Variants in IGF2R observed in about 807,000 individuals in gnomAD.
IGF2R encodes the protein insulin like growth factor 2 receptor.
IGF2R carries 91 observed loss-of-function variants against 270.6 expected under a neutral mutation model. The observed-to-expected ratio is 0.34, with a 90% CI of 0.28 to 0.40. The LOEUF (loss-of-function observed/expected upper bound fraction) is 0.40. Ranked by LOEUF, IGF2R falls within the 10% of genes least tolerant of loss-of-function variation. The pLI is 1.00. For missense variants in IGF2R, 2,805 were observed against 3,188.3 expected (o/e 0.88, Z 2.90); for synonymous variants, 1,316 against 1,258.9 (o/e 1.05, Z -0.96).
intron 19 of IGF2R, among the ~76,000 whole-genome samples, chr6:160,055,078 G>A (rs1256374925): frequency 6.6e-6 from 1 of 152,094 alleles, no homozygotes; most frequent in African/African-American, 2.4e-5. Context: ...TGCTCTCTGC[G>A]GGAGGTGTTC....
chr6:160,088,384 T>G (rs916080707), intron 42 of IGF2R, among the ~76,000 whole-genome samples: 1 of 152,214 alleles, frequency 6.6e-6, no homozygotes, highest in Non-Finnish European at 1.5e-5. Flanking sequence ...TGAACTAGGT[T>G]TAGCACTGGC....
Position 160,106,455 on chromosome 6 carries a change from G to T in IGF2R, c.*1371G>T, listed in dbSNP as rs1779624351. The T allele has an allele frequency of 6.6e-6, 1 of 152,302 alleles. No homozygotes were observed. Among genetic ancestry groups the T allele is most frequent in the Non-Finnish European group, 1.5e-5 (1 of 67,942 alleles). The allele number at this position is 152,302 out of a possible 1,614,324, so 9.4% of individuals were successfully genotyped here. Reference sequence around the variant, plus strand: ...TGGCTTGTTTGATTTCAACATGAGTGTATTTTTTAAAATTGATTTTTCTCT... The same window carrying T: ...TGGCTTGTTTGATTTCAACATGAGTTTATTTTTTAAAATTGATTTTTCTCT... On this transcript the variant is annotated 3_prime_UTR_variant, in exon 48 of 48. Transcript: ENST00000356956.
At chr6:160,032,759 G>T (rs1430540708) in intron 8 of IGF2R, 46 bp downstream of exon 8, 2 of 1,596,072 alleles carry the variant, frequency 1.3e-6, no homozygotes. Flanking sequence ...GGAAGAAGGG[G>T]ATCGAGAGAG....
intron 32 of IGF2R, among the ~76,000 whole-genome samples, 181 bp downstream of exon 32, chr6:160,072,217 G>C (rs1341960271): frequency 6.6e-6 from 1 of 152,156 alleles, no homozygotes; most frequent in Non-Finnish European, 1.5e-5. Flanking sequence ...TGTTCTCCTG[G>C]CTCTCCTTCA....
intron 34 of IGF2R, 47 bp from the exon 35 acceptor site, chr6:160,073,710 T>G (rs1205665025): frequency 1.3e-6 from 2 of 1,524,256 alleles, no homozygotes; most frequent in South Asian, 1.2e-5. Flanking sequence ...TAGTGGTGAT[T>G]AGGAAAATTT....
At chr6:160,040,495 C>T in intron 10 of IGF2R, 65 bp from the exon 11 acceptor site, 1 of 1,423,108 alleles carries the variant, frequency 7.0e-7, no homozygotes, top group Non-Finnish European at 9.9e-7. Context: ...TTCTTCCTTG[C>T]TCCTTAGCTG....
intron 2 of IGF2R, chr6:160,005,945 C>A: frequency 6.2e-6 from 1 of 160,172 alleles, no homozygotes; most frequent in South Asian, 1.4e-4. Context: ...TTTTGCGCCT[C>A]ATGGGGCTCC....
At chr6:160,026,094 C>T (rs897416812) in intron 5 of IGF2R, among the ~76,000 whole-genome samples, 2 of 152,308 alleles carry the variant, frequency 1.3e-5, no homozygotes, top group African/African-American at 2.4e-5. Flanking sequence ...TCGGACTTGC[C>T]ATCATGTGCT....
intron 4 of IGF2R, among the ~76,000 whole-genome samples, chr6:160,012,982 G>A (rs763563148): frequency 2.6e-5 from 4 of 151,770 alleles, no homozygotes; most frequent in Admixed American, 6.6e-5. Flanking sequence ...GCTTCCTGTG[G>A]GAGGTGGAGG....
chr6:160,078,159 A>C, intron 36 of IGF2R, 42 bp from the exon 37 acceptor site: 1 of 1,605,520 alleles, frequency 6.2e-7, no homozygotes. Flanking sequence ...ATCTATCCCT[A>C]TGCCATGGGG....
Position 160,109,158 on chromosome 6 carries a change from T to G in IGF2R, c.*4074T>G, listed in dbSNP as rs1237279825. On this transcript the variant is annotated 3_prime_UTR_variant, in exon 48 of 48. Coordinates refer to ENST00000356956, the MANE Select transcript of IGF2R (RefSeq NM_000876.4). ...TTTGAGGGAAACACAATCTAGTGAA[T>G]GGGGTTATTGGTTGTCACACCTGGG... 6.6e-6 allele frequency: 1 copy of G among 152,206 alleles called. No homozygotes were observed. The highest frequency in any genetic ancestry group is 1.5e-5 in the Non-Finnish European group (1 of 68,038). The allele number at this position is 152,206 out of a possible 1,614,324, so 9.4% of individuals were successfully genotyped here.
chr6:160,010,092 C>T (rs188108415), intron 3 of IGF2R, among the ~76,000 whole-genome samples: 1 of 152,292 alleles, frequency 6.6e-6, no homozygotes, highest in East Asian at 1.9e-4. Flanking sequence ...ATTCTGTGTT[C>T]ACCATACCAG....
chr6:160,064,853 G>A lies in IGF2R; in HGVS notation c.4067G>A (p.Arg1356Gln), dbSNP rs756307482. Residue 1356 changes from arginine (R) to glutamine (Q), a missense_variant, in exon 29 of 48, where the codon CGA (arginine) becomes CAA (glutamine). Physicochemically the swap from Arg to Gln is conservative, Grantham distance 43. Transcript: ENST00000356956. ...TSDCSYLFEWRTQYACPPFDL... is the reference protein window; with the variant it reads ...TSDCSYLFEWQTQYACPPFDL... The stretch of plus-strand genomic sequence containing the variant: ...GATTGTTCCTACTTGTTTGAGTGGC[G>A]AACGCAGTATGCCTGCCCACCTTTC... 1.5e-5 allele frequency: 25 copies of A among 1,613,586 alleles called. No homozygotes were observed. Among genetic ancestry groups the A allele is most frequent in the Middle Eastern group, 1.6e-4 (1 of 6,084 alleles).
intron 4 of IGF2R, among the ~76,000 whole-genome samples, chr6:160,017,095 A>G (rs1438357092): frequency 6.6e-6 from 1 of 152,240 alleles, no homozygotes; most frequent in Admixed American, 6.5e-5. Context: ...TACATGAGAA[A>G]GTTGAAAACC....
intron 41 of IGF2R, among the ~76,000 whole-genome samples, chr6:160,086,536 G>T (rs1779100760): frequency 3.9e-5 from 6 of 152,150 alleles, no homozygotes. Flanking sequence ...TCACAGGCTG[G>T]GCCCCTGAGC....
At chr6:159,974,746 C>T (rs1020073068) in intron 1 of IGF2R, among the ~76,000 whole-genome samples, 5 of 152,098 alleles carry the variant, frequency 3.3e-5, no homozygotes, top group African/African-American at 1.2e-4. Flanking sequence ...ATAAAAATGT[C>T]TCCAGGCATA....
intron 35 of IGF2R, among the ~76,000 whole-genome samples, chr6:160,075,401 G>A (rs576089537): frequency 1.3e-5 from 2 of 152,262 alleles, no homozygotes; most frequent in South Asian, 2.1e-4. Context: ...GGGCAGTCCC[G>A]GGGCAGCACT....
Position 159,969,414 on chromosome 6 carries a change from C to T in IGF2R, c.149+19C>T, listed in dbSNP as rs1233486951. The stretch of plus-strand genomic sequence containing the variant: ...TGTGCAGGTGGGTGGCCCGCCCGGA[C>T]GCAGGCTCCGCTCGCGGTGCCCGGG... On this transcript the variant is annotated intron_variant, in intron 1 of 47. Transcript: ENST00000356956. 1.7e-6 allele frequency: 2 copies of T among 1,208,336 alleles called. No homozygotes were observed. The highest frequency in any genetic ancestry group is 4.4e-5 in the Admixed American group (1 of 22,908). 74.9% of individuals were successfully genotyped at this position (1,208,336 alleles called of 1,614,324 possible). A position where few individuals can be genotyped will look rare whatever the true frequency, so the allele number is the denominator to read the frequency against.
At chr6:159,999,997 A>G (rs1784104561) in intron 2 of IGF2R, among the ~76,000 whole-genome samples, 1 of 152,234 alleles carries the variant, frequency 6.6e-6, no homozygotes, top group South Asian at 2.1e-4. Flanking sequence ...TGGGAAAAAC[A>G]TTTCCAGCAT....
Sources: gnomAD v4.1 joint callset for allele counts (sites outside exome capture counted in the v4.1 genomes callset) on GRCh38, gnomAD v4.1.1 for gene constraint, MANE v1.5 for transcripts, NCBI Gene and HGNC (gene_info 2026-07-23, HGNC 2026-07-21) for gene names.